The following DGKI variants were observed in gnomAD, a reference collection of about 807,000 sequenced individuals.
DGKI encodes the protein DAG kinase iota.
DGKI carries 55 observed loss-of-function variants against 147.5 expected under a neutral mutation model. The ratio of observed to expected loss-of-function variants is 0.37; its 90% CI spans 0.30 to 0.47. The LOEUF is 0.47. Among genes scored for constraint, DGKI ranks in the 20% least tolerant of loss-of-function variants. The pLI, the probability that DGKI is intolerant of heterozygous loss-of-function variation, is 1.00. For missense variants in DGKI, 1,007 were observed against 1,323.8 expected (o/e 0.76, Z 3.71); for synonymous variants, 469 against 477.1 (o/e 0.98, Z 0.22).
chr7:137,645,421 G>A, intron 6 of DGKI, 51 bp downstream of exon 6: 1 of 1,537,286 alleles, frequency 6.5e-7, no homozygotes, highest in Non-Finnish European at 8.9e-7. Context: ...TCAGTTGCTT[G>A]CAGAGGCCTG....
chr7:137,494,149 T>C (rs192886948), intron 21 of DGKI, among the ~76,000 whole-genome samples: 351 of 151,992 alleles, frequency 2.3e-3, no homozygotes, highest in Non-Finnish European at 2.9e-3. Context: ...ATGAACAAAA[T>C]GTCTGAGAAA....
chr7:137,732,552 C>A (rs1794914180), intron 1 of DGKI, among the ~76,000 whole-genome samples: 3 of 152,026 alleles, frequency 2.0e-5, no homozygotes, highest in African/African-American at 7.2e-5. Context: ...GTCTTATAGG[C>A]TGTTCCTGGG....
chr7:137,601,433 T>C (rs114419571), intron 10 of DGKI, among the ~76,000 whole-genome samples: 71 of 152,356 alleles, frequency 4.7e-4, no homozygotes, highest in African/African-American at 8.7e-4. Context: ...TTAGTAGATA[T>C]CGTAATTGCT....
intron 1 of DGKI, among the ~76,000 whole-genome samples, chr7:137,746,311 A>G (rs1795328374): frequency 6.6e-6 from 1 of 152,208 alleles, no homozygotes; most frequent in Non-Finnish European, 1.5e-5. Flanking sequence ...ATTTTCCCTC[A>G]TCAACTGCTG....
Position 137,588,988 on chromosome 7 carries a change from T to C in DGKI, c.1312-1778A>G, listed in dbSNP as rs373850554. On this transcript the variant is annotated intron_variant, in intron 12 of 32. Transcript: ENST00000614521. ...GGCATTCAAAAATAGGAATGCCTAA[T>C]GCCAGTGGCCAACCCCTTAACTGCT... Among the ~76,000 whole-genome samples the C allele has an allele frequency of 1.1e-4, 16 of 152,328 alleles. No homozygotes were observed. The South Asian group carries it at 3.1e-3, about 30-fold the overall frequency.
intron 1 of DGKI, among the ~76,000 whole-genome samples, chr7:137,820,492 A>T (rs1797865158): frequency 6.6e-6 from 1 of 152,198 alleles, no homozygotes; most frequent in Admixed American, 6.5e-5. Flanking sequence ...TGGTGGGAGC[A>T]CTCAGGTGAA....
chr7:137,821,679 A>G (rs1797906388), intron 1 of DGKI, among the ~76,000 whole-genome samples: 1 of 152,118 alleles, frequency 6.6e-6, no homozygotes, highest in Non-Finnish European at 1.5e-5. Context: ...AAGAAAAGAA[A>G]GAAAACAGGA....
chr7:137,627,284 T>A (rs1820976077), intron 6 of DGKI, among the ~76,000 whole-genome samples: 1 of 152,186 alleles, frequency 6.6e-6, no homozygotes, highest in Non-Finnish European at 1.5e-5. Context: ...TATAAATAGC[T>A]GCCCTATGTG....
At chr7:137,700,771 G>T (rs1288750470) in intron 1 of DGKI, among the ~76,000 whole-genome samples, 1 of 152,100 alleles carries the variant, frequency 6.6e-6, no homozygotes, top group Non-Finnish European at 1.5e-5. Flanking sequence ...CCAGCTACTT[G>T]GGAGGCTGAG....
Position 137,410,360 on chromosome 7 carries a change from G to A in DGKI, c.2799+1810C>T, listed in dbSNP as rs550816042. Reference sequence around the variant, plus strand: ...GCGGAGCTTGCAGTGAGCCGAGATCGTGCCACTGCACTCCAGCCTGGGTGA... The same window carrying A: ...GCGGAGCTTGCAGTGAGCCGAGATCATGCCACTGCACTCCAGCCTGGGTGA... On this transcript the variant is annotated intron_variant, in intron 29 of 32. Transcript: ENST00000614521. Among the ~76,000 whole-genome samples the A allele has an allele frequency of 9.2e-5, 14 of 152,242 alleles. No homozygotes were observed. The East Asian group carries it at 1.2e-3, about 13-fold the overall frequency.
intron 1 of DGKI, among the ~76,000 whole-genome samples, chr7:137,830,742 A>C (rs373021276): frequency 1.3e-5 from 2 of 152,242 alleles, no homozygotes; most frequent in Non-Finnish European, 2.9e-5. Context: ...AAAGGGTATT[A>C]TCCTGAATGT....
At chr7:137,764,396 T>C (rs1485039561) in intron 1 of DGKI, among the ~76,000 whole-genome samples, 1 of 152,214 alleles carries the variant, frequency 6.6e-6, no homozygotes, top group Non-Finnish European at 1.5e-5. Flanking sequence ...TAAAAGAATT[T>C]GCAGAGAGCC....
Position 137,385,495 on chromosome 7 carries a change from C to T in DGKI, c.*5725G>A, listed in dbSNP as rs1274749406. On this transcript the variant is annotated 3_prime_UTR_variant, in exon 33 of 33. Transcript: ENST00000614521. ...TGGTCAGGTATCCTCTGTTTAAATG[C>T]TAACAGAGGCTGAAAGTTTATAACT... is the stretch of plus-strand genomic sequence containing the variant. 1 of 152,026 alleles carries T rather than the reference C, an allele frequency of 6.6e-6. No homozygotes were observed. The highest frequency in any genetic ancestry group is 1.9e-4 in the East Asian group (1 of 5,188). The allele number at this position is 152,026 out of a possible 1,614,324, so 9.4% of individuals were successfully genotyped here. A position where few individuals can be genotyped will look rare whatever the true frequency, so the allele number is the denominator to read the frequency against.
chr7:137,787,275 GA>G (rs914042958), intron 1 of DGKI, among the ~76,000 whole-genome samples: 12 of 150,812 alleles, frequency 8.0e-5, no homozygotes, highest in African/African-American at 1.5e-4. Context: ...AAATCAGCAA[GA>G]AAAAAAAATC....
At chr7:137,588,849 T>C (rs979811214) in intron 12 of DGKI, among the ~76,000 whole-genome samples, 1 of 152,214 alleles carries the variant, frequency 6.6e-6, no homozygotes, top group Admixed American at 6.5e-5. Context: ...CTTTAAAACA[T>C]TATCTGTAAG....
chr7:137,523,646 G>A (rs1447822352), intron 20 of DGKI, among the ~76,000 whole-genome samples: 4 of 152,104 alleles, frequency 2.6e-5, no homozygotes, highest in Admixed American at 6.6e-5. Context: ...CAGCTATACC[G>A]ATCCATCACT....
intron 1 of DGKI, among the ~76,000 whole-genome samples, chr7:137,768,124 C>T (rs952165725): frequency 1.3e-5 from 2 of 152,150 alleles, no homozygotes; most frequent in East Asian, 1.9e-4. Context: ...TAAGTGGACA[C>T]AAGATGTTCA....
At chr7:137,796,384 C>T (rs1422952732) in intron 1 of DGKI, among the ~76,000 whole-genome samples, 1 of 152,078 alleles carries the variant, frequency 6.6e-6, no homozygotes, top group African/African-American at 2.4e-5. Flanking sequence ...CCTGTAATCC[C>T]AGCTACTCAG....
rs115133262 is a variant in DGKI, at chr7:137,508,127, T to C, written c.2248+13739A>G. ...TCTCAAAAGGATGGGTAGATACTAATAGGTTTCCAACAGAAGGTGAAGGTT... is the reference window on the plus strand; with the variant it reads ...TCTCAAAAGGATGGGTAGATACTAACAGGTTTCCAACAGAAGGTGAAGGTT... On this transcript the variant is annotated intron_variant, in intron 21 of 32. Coordinates refer to ENST00000614521, the MANE Select transcript of DGKI (RefSeq NM_001321708.2). Among the ~76,000 whole-genome samples, 683 of 151,658 alleles carry C rather than the reference T, an allele frequency of 4.5e-3. 4 individuals carry two copies. Among genetic ancestry groups the C allele is most frequent in the African/African-American group, 0.016 (650 of 41,304 alleles).
Sources: gnomAD v4.1 joint callset for allele counts (sites outside exome capture counted in the v4.1 genomes callset) on GRCh38, gnomAD v4.1.1 for gene constraint, MANE v1.5 for transcripts, NCBI Gene and HGNC (gene_info 2026-07-23, HGNC 2026-07-21) for gene names.